Variants in KCNA2 observed in about 807,000 individuals in gnomAD.
KCNA2 encodes the protein potassium channel, voltage gated shaker related subfamily A, member 2.
A neutral mutation model predicts 33.4 loss-of-function variants in KCNA2; 11 were observed. That is an observed-to-expected ratio of 0.33 (90% CI 0.21 to 0.55). The LOEUF is 0.55. Among genes scored for constraint, KCNA2 ranks in the 20% least tolerant of loss-of-function variants. KCNA2 has a pLI of 0.93. For synonymous variants in KCNA2, 222 were observed against 231.3 expected (o/e 0.96, Z 0.37); for missense variants, 291 against 621.6 (o/e 0.47, Z 5.66).
At position 110,630,927 on chromosome 1, in the gene KCNA2, C is replaced by T. The variant is rs1650539362; in HGVS notation, c.-496+468G>A. On this transcript the variant is annotated intron_variant, in intron 1 of 4. Transcript: ENST00000369770. ...CCCGGAACCACTAAGCCTGGTCTTC[C>T]TTTCCACCACCACCAGATGGCAGCA... Among the ~76,000 whole-genome samples the T allele has an allele frequency of 2.0e-5, 3 of 152,212 alleles. No homozygotes were observed. In the South Asian group the frequency reaches 6.2e-4, roughly 32 times the overall value.
rs966402849 is a variant in KCNA2 at position 110,597,733 on chromosome 1, C to T, written c.*5550G>A. ...CTGATAATCCAGGTACTATCTATCA[C>T]TTTTCAGTCCTGAGAGCAAGATTTT... is the stretch of plus-strand genomic sequence containing the variant. On this transcript the variant is annotated 3_prime_UTR_variant, in exon 3 of 3. Coordinates refer to ENST00000316361, the MANE Select transcript of KCNA2 (RefSeq NM_004974.4). The T allele has an allele frequency of 4.0e-5, 39 of 985,254 alleles. No individual in the cohort carries two copies. Among genetic ancestry groups the T allele is most frequent in the Non-Finnish European group, 4.3e-5 (36 of 829,894 alleles). The allele number at this position is 985,254 out of a possible 1,614,324, so 61.0% of individuals were successfully genotyped here.
Position 110,601,338 on chromosome 1 carries a change from T to G in KCNA2, c.*1945A>C, listed in dbSNP as rs1649333809. 3 of 984,960 alleles carry G rather than the reference T, an allele frequency of 3.0e-6. No homozygotes were observed. In the African/African-American group the frequency reaches 5.2e-5, roughly 17 times the overall value. The allele number at this position is 984,960 out of a possible 1,614,324, so 61.0% of individuals were successfully genotyped here. A position where few individuals can be genotyped will look rare whatever the true frequency, so the allele number is the denominator to read the frequency against. On this transcript the variant is annotated 3_prime_UTR_variant, in exon 3 of 3. Coordinates refer to ENST00000316361, the MANE Select transcript of KCNA2 (RefSeq NM_004974.4). The stretch of plus-strand genomic sequence containing the variant: ...ATTTGGTCCCAGGGAGTCCTACTCC[T>G]TGGTGTCCTTGGTTTCAAAGCAGGG...
intron 1 of KCNA2, among the ~76,000 whole-genome samples, chr1:110,618,042 G>A (rs758515153): frequency 5.3e-5 from 8 of 152,184 alleles, no homozygotes; most frequent in Non-Finnish European, 7.3e-5. Flanking sequence ...TGTAGATGGA[G>A]TGAGAAGAGC....
At chr1:110,606,983 G>A (rs915892563), upstream of KCNA2, 6 of 152,740 alleles carry the variant, frequency 3.9e-5, no homozygotes, top group Non-Finnish European at 5.8e-5. Context: ...GCTCCTCTCC[G>A]TGCCCTCCGC....
Position 110,594,198 on chromosome 1 carries a change from T to G in KCNA2, c.*9085A>C. Reference sequence around the variant, plus strand: ...ACATGGGAGGGCAGCTGAAGATTCATGCACAAGCAGCAAGGAAGCCAGTGC... The same window carrying G: ...ACATGGGAGGGCAGCTGAAGATTCAGGCACAAGCAGCAAGGAAGCCAGTGC... On this transcript the variant is annotated 3_prime_UTR_variant, in exon 3 of 3. Transcript: ENST00000316361. The G allele has an allele frequency of 8.4e-7, 1 of 1,188,370 alleles. No homozygotes were observed. Among genetic ancestry groups the G allele is most frequent in the Non-Finnish European group, 1.0e-6 (1 of 957,098 alleles). The allele number at this position is 1,188,370 out of a possible 1,614,324, so 73.6% of individuals were successfully genotyped here.
At chr1:110,627,167 G>T (rs943246332) in intron 1 of KCNA2, among the ~76,000 whole-genome samples, 1 of 152,154 alleles carries the variant, frequency 6.6e-6, no homozygotes, top group African/African-American at 2.4e-5. Flanking sequence ...GACAGGCTTG[G>T]CCTAGACTCC....
chr1:110,598,431 A>G lies in KCNA2; in HGVS notation c.*4852T>C. The G allele has an allele frequency of 2.0e-6, 2 of 985,422 alleles. No individual in the cohort carries two copies. Among genetic ancestry groups the G allele is most frequent in the Non-Finnish European group, 2.4e-6 (2 of 829,956 alleles). 61.0% of individuals were successfully genotyped at this position (985,422 alleles called of 1,614,324 possible). ...CCTCTGTGACTCTACTACTGTGGGCAGTGCTGAATCCCCAGCCTGAGGAGC... is the reference window on the plus strand; with the variant it reads ...CCTCTGTGACTCTACTACTGTGGGCGGTGCTGAATCCCCAGCCTGAGGAGC... On this transcript the variant is annotated 3_prime_UTR_variant, in exon 3 of 3. Transcript: ENST00000316361.
chr1:110,609,069 C>A (rs1205915693), upstream of KCNA2, among the ~76,000 whole-genome samples: 1 of 152,114 alleles, frequency 6.6e-6, no homozygotes, highest in Non-Finnish European at 1.5e-5. Flanking sequence ...CCATTCCCAC[C>A]CCTCTACCAA....
At chr1:110,610,973 C>T (rs1020937283), upstream of KCNA2, among the ~76,000 whole-genome samples, 3 of 151,704 alleles carry the variant, frequency 2.0e-5, no homozygotes, top group Non-Finnish European at 4.4e-5. Context: ...AGGTAGGACA[C>T]TAGCCCCGCC....
Position 110,601,900 on chromosome 1 carries a change from C to T in KCNA2, c.*1383G>A. The T allele has an allele frequency of 2.1e-6, 3 of 1,455,488 alleles. No individual in the cohort carries two copies. Among genetic ancestry groups the T allele is most frequent in the Non-Finnish European group, 2.7e-6 (3 of 1,107,042 alleles). The allele number at this position is 1,455,488 out of a possible 1,614,324, so 90.2% of individuals were successfully genotyped here. The stretch of plus-strand genomic sequence containing the variant: ...CATAGTCAAACACATGCATAAATTG[C>T]CCTTTGTCAAAAATATTGCATAAGC... On this transcript the variant is annotated 3_prime_UTR_variant, in exon 3 of 3. Coordinates refer to ENST00000316361, the MANE Select transcript of KCNA2 (RefSeq NM_004974.4).
At chr1:110,615,876 C>G (rs1383510981) in intron 1 of KCNA2, among the ~76,000 whole-genome samples, 1 of 152,144 alleles carries the variant, frequency 6.6e-6, no homozygotes, top group African/African-American at 2.4e-5. Flanking sequence ...CTCTCACACT[C>G]GCAACCAGGA....
chr1:110,625,265 G>C (rs1650361929), intron 1 of KCNA2, among the ~76,000 whole-genome samples: 1 of 152,216 alleles, frequency 6.6e-6, no homozygotes, highest in Non-Finnish European at 1.5e-5. Context: ...AATCAGAAGA[G>C]TGTGGTGGTC....
At chr1:110,623,625 C>A (rs1201072015) in intron 1 of KCNA2, among the ~76,000 whole-genome samples, 2 of 152,132 alleles carry the variant, frequency 1.3e-5, no homozygotes, top group African/African-American at 4.8e-5. Context: ...AAACTCCTGG[C>A]CTCAAGCAAT....
At position 110,599,566 on chromosome 1, in the gene KCNA2, A is replaced by G; in HGVS notation, c.*3717T>C. 3 of 985,478 alleles carry G rather than the reference A, an allele frequency of 3.0e-6. No individual in the cohort carries two copies. Among genetic ancestry groups the G allele is most frequent in the Non-Finnish European group, 3.6e-6 (3 of 829,946 alleles). The allele number at this position is 985,478 out of a possible 1,614,324, so 61.0% of individuals were successfully genotyped here. On this transcript the variant is annotated 3_prime_UTR_variant, in exon 3 of 3. Coordinates refer to ENST00000316361, the MANE Select transcript of KCNA2 (RefSeq NM_004974.4). ...GCACAAGAGCAAGTGAAATGCCACA[A>G]GCAAGTAAAGGTGGCTCATTTTAAG...
At position 110,601,427 on chromosome 1, in the gene KCNA2, A is replaced by T; in HGVS notation, c.*1856T>A. The T allele has an allele frequency of 1.0e-6, 1 of 985,484 alleles. No homozygotes were observed. The highest frequency in any genetic ancestry group is 1.2e-6 in the Non-Finnish European group (1 of 829,972). The allele number at this position is 985,484 out of a possible 1,614,324, so 61.0% of individuals were successfully genotyped here. ...GACGGATGCAGAGCCAAATGATAAT[A>T]AGATCCAAGTGGCAAGGGAAGAGGT... On this transcript the variant is annotated 3_prime_UTR_variant, in exon 3 of 3. Transcript: ENST00000316361.
upstream of KCNA2, chr1:110,607,523 C>G (rs111502775): frequency 6.6e-6 from 1 of 152,266 alleles, no homozygotes; most frequent in South Asian, 2.0e-4. Context: ...CCACCGAGCT[C>G]GTCACCTCGT....
chr1:110,627,540 A>G (rs531736444), intron 1 of KCNA2, among the ~76,000 whole-genome samples: 7 of 152,302 alleles, frequency 4.6e-5, no homozygotes, highest in Admixed American at 3.3e-4. Flanking sequence ...CAGTTAGATC[A>G]TAACGGTTTC....
At chr1:110,614,597 G>A (rs1010171694) in intron 1 of KCNA2, among the ~76,000 whole-genome samples, 1 of 152,238 alleles carries the variant, frequency 6.6e-6, no homozygotes, top group African/African-American at 2.4e-5. Flanking sequence ...AGGTGACCTT[G>A]TAAGTCACTT....
At chr1:110,613,431 T>C (rs1649946717) in intron 1 of KCNA2, among the ~76,000 whole-genome samples, 2 of 152,244 alleles carry the variant, frequency 1.3e-5, no homozygotes, top group South Asian at 4.1e-4. Flanking sequence ...CTGGCAGTGT[T>C]TGTGAACCAG....
Sources: gnomAD v4.1 joint callset for allele counts (sites outside exome capture counted in the v4.1 genomes callset) on GRCh38, gnomAD v4.1.1 for gene constraint, MANE v1.5 for transcripts, NCBI Gene and HGNC (gene_info 2026-07-23, HGNC 2026-07-21) for gene names.